The following ERBB4 variants were observed in gnomAD, a reference collection of about 807,000 sequenced individuals.
ERBB4 encodes receptor tyrosine-protein kinase erbB-4.
A neutral mutation model predicts 158.0 loss-of-function variants in ERBB4; 42 were observed. That is an observed-to-expected ratio of 0.27 (90% CI 0.21 to 0.34). ERBB4 has a LOEUF of 0.34. Among genes scored for constraint, ERBB4 ranks in the 10% least tolerant of loss-of-function variants. The probability of loss-of-function intolerance (pLI) is 1.00; values close to 1 mark genes in which losing one functional copy is unlikely to be tolerated. For synonymous variants in ERBB4, 583 were observed against 558.7 expected (o/e 1.04, Z -0.61); for missense variants, 1,333 against 1,624.1 (o/e 0.82, Z 3.08).
chr2:211,378,976 T>G lies in ERBB4; in HGVS notation c.*4639A>C. On this transcript the variant is annotated 3_prime_UTR_variant, in exon 28 of 28. Transcript: ENST00000342788. ...AGTATACAGTAGAAGTTAATTTATC[T>G]GGTTTTTTTAACAACTAGAAGCTGA... 1 of 231,962 alleles carries G rather than the reference T, an allele frequency of 4.3e-6. No homozygotes were observed. Among genetic ancestry groups the G allele is most frequent in the Non-Finnish European group, 8.5e-6 (1 of 117,254 alleles). The allele number at this position is 231,962 out of a possible 1,614,324, so 14.4% of individuals were successfully genotyped here. A position where few individuals can be genotyped will look rare whatever the true frequency, so the allele number is the denominator to read the frequency against.
At chr2:212,343,571 T>A (rs1298300818) in intron 1 of ERBB4, among the ~76,000 whole-genome samples, 4 of 152,166 alleles carry the variant, frequency 2.6e-5, no homozygotes, top group Admixed American at 2.6e-4. Context: ...AAGCACAGAT[T>A]CTGACTTGAA....
At chr2:212,419,889 A>G (rs972619234) in intron 1 of ERBB4, among the ~76,000 whole-genome samples, 2 of 151,996 alleles carry the variant, frequency 1.3e-5, no homozygotes, top group South Asian at 2.1e-4. Context: ...CTGGTAGATG[A>G]TATTTTCTAC....
chr2:211,840,181 G>A (rs1187303522), intron 3 of ERBB4, among the ~76,000 whole-genome samples: 1 of 151,918 alleles, frequency 6.6e-6, no homozygotes, highest in Non-Finnish European at 1.5e-5. Context: ...TCTTTCCTGT[G>A]CTGTTCTCAT....
chr2:211,552,772 C>A (rs2067134749), intron 20 of ERBB4, among the ~76,000 whole-genome samples: 1 of 152,050 alleles, frequency 6.6e-6, no homozygotes, highest in African/African-American at 2.4e-5. Flanking sequence ...AAGATAGTTT[C>A]CTTAGAGCAA....
intron 25 of ERBB4, among the ~76,000 whole-genome samples, chr2:211,412,766 C>T (rs2125381959): frequency 6.6e-6 from 1 of 151,830 alleles, no homozygotes; most frequent in East Asian, 1.9e-4. Flanking sequence ...CCATCCTGGC[C>T]AACATGGTGA....
chr2:212,016,744 A>C (rs950451567), intron 2 of ERBB4, among the ~76,000 whole-genome samples: 2 of 152,152 alleles, frequency 1.3e-5, no homozygotes, highest in Non-Finnish European at 2.9e-5. Context: ...TATTAATTAC[A>C]AATAAATAAT....
intron 2 of ERBB4, among the ~76,000 whole-genome samples, chr2:211,978,676 TTCAATTTTTAG>T (rs1297545917): frequency 6.6e-6 from 1 of 152,154 alleles, no homozygotes; most frequent in Non-Finnish European, 1.5e-5. Flanking sequence ...TGTAAAGGCA[TTCAATTTTTAG>T]TGTTGAACTG....
At chr2:212,141,616 A>T (rs962029749) in intron 1 of ERBB4, among the ~76,000 whole-genome samples, 1 of 151,924 alleles carries the variant, frequency 6.6e-6, no homozygotes, top group African/African-American at 2.4e-5. Flanking sequence ...AATAAATGGC[A>T]CCCCTTTCAC....
At chr2:212,407,568 T>C (rs924805675) in intron 1 of ERBB4, among the ~76,000 whole-genome samples, 2 of 152,128 alleles carry the variant, frequency 1.3e-5, no homozygotes, top group African/African-American at 2.4e-5. Context: ...TGTATATATA[T>C]GTATTTAAGT....
intron 20 of ERBB4, among the ~76,000 whole-genome samples, chr2:211,431,880 C>T (rs1477394428): frequency 6.6e-6 from 1 of 152,028 alleles, no homozygotes; most frequent in African/African-American, 2.4e-5. Flanking sequence ...CCATGTATAA[C>T]AATATATAAC....
At chr2:212,481,092 C>T (rs113815038) in intron 1 of ERBB4, among the ~76,000 whole-genome samples, 2,139 of 152,094 alleles carry the variant, frequency 0.014, 47 homozygotes, top group African/African-American at 0.049. Context: ...CATATAAATA[C>T]ACATGTGAGT....
At chr2:212,002,222 C>T (rs989173655) in intron 2 of ERBB4, among the ~76,000 whole-genome samples, 5 of 152,066 alleles carry the variant, frequency 3.3e-5, no homozygotes, top group Admixed American at 6.6e-5. Context: ...CCAAAAGTTT[C>T]CAGAGACTAG....
chr2:212,322,174 T>C (rs1236302321), intron 1 of ERBB4, among the ~76,000 whole-genome samples: 1 of 150,502 alleles, frequency 6.6e-6, no homozygotes, highest in Non-Finnish European at 1.5e-5. Context: ...GGCTTTTCTG[T>C]TGAGGCTGGA....
At chr2:211,670,112 T>C (rs879196193) in intron 14 of ERBB4, among the ~76,000 whole-genome samples, 1 of 152,338 alleles carries the variant, frequency 6.6e-6, no homozygotes, top group Non-Finnish European at 1.5e-5. Flanking sequence ...GCCAGTCTAA[T>C]GGAGAAGCTT....
intron 1 of ERBB4, among the ~76,000 whole-genome samples, chr2:212,530,588 G>A (rs752472919): frequency 1.3e-5 from 2 of 152,148 alleles, no homozygotes; most frequent in Non-Finnish European, 2.9e-5. Flanking sequence ...TCAAGTCACA[G>A]CTATACTTGA....
At chr2:211,440,728 G>A (rs139479636) in intron 20 of ERBB4, among the ~76,000 whole-genome samples, 2,022 of 152,190 alleles carry the variant, frequency 0.013, 24 homozygotes, top group Admixed American at 0.022. Flanking sequence ...ATTTTCTTAA[G>A]TGTGGTTTAC....
At chr2:211,696,068 T>A (rs1398930466) in intron 12 of ERBB4, among the ~76,000 whole-genome samples, 1 of 103,974 alleles carries the variant, frequency 9.6e-6, no homozygotes, top group Non-Finnish European at 1.8e-5. Flanking sequence ...CCTCCCTCCC[T>A]CCTTCCTTCC....
At chr2:212,483,489 T>A (rs1689814000) in intron 1 of ERBB4, among the ~76,000 whole-genome samples, 1 of 152,216 alleles carries the variant, frequency 6.6e-6, no homozygotes. Flanking sequence ...TTTCTAAATT[T>A]CTTACGTATT....
intron 3 of ERBB4, among the ~76,000 whole-genome samples, chr2:211,932,721 G>C (rs904849355): frequency 6.6e-6 from 1 of 151,568 alleles, no homozygotes; most frequent in Non-Finnish European, 1.5e-5. Flanking sequence ...AATTCCAAAG[G>C]AAAATGTTTC....
Sources: allele counts gnomAD v4.1 joint callset (sites outside exome capture counted in the v4.1 genomes callset), GRCh38; gene constraint gnomAD v4.1.1; transcripts MANE v1.5; gene names NCBI Gene and HGNC (gene_info 2026-07-23, HGNC 2026-07-21).